CSMD3: variants seen among roughly 807,000 people sequenced by gnomAD.
CSMD3 encodes the protein CUB and Sushi multiple domains 3, also known as CUB and sushi domain-containing protein 3.
Under a neutral mutation model 435.2 loss-of-function variants are expected in CSMD3, and 177 were observed. The ratio of observed to expected loss-of-function variants is 0.41; its 90% CI spans 0.36 to 0.46. The LOEUF is 0.46. CSMD3 is among the 20% of genes least tolerant of loss of function. The pLI is 0.34. For synonymous variants in CSMD3, 1,656 were observed against 1,520.5 expected (o/e 1.09, Z -2.07); for missense variants, 4,265 against 4,504.6 (o/e 0.95, Z 1.52).
At chr8:112,272,933 G>A (rs987359408) in intron 59 of CSMD3, among the ~76,000 whole-genome samples, 2 of 152,032 alleles carry the variant, frequency 1.3e-5, no homozygotes, top group East Asian at 1.9e-4. Flanking sequence ...TGCCTATGAA[G>A]TACATAAACT....
At chr8:112,671,315 G>A (rs2075650836) in intron 16 of CSMD3, among the ~76,000 whole-genome samples, 1 of 151,762 alleles carries the variant, frequency 6.6e-6, no homozygotes, top group Non-Finnish European at 1.5e-5. Context: ...TATGACCCAG[G>A]AATGTCTTTT....
intron 22 of CSMD3, among the ~76,000 whole-genome samples, chr8:112,590,217 C>T (rs539186608): frequency 1.3e-5 from 2 of 152,110 alleles, no homozygotes; most frequent in South Asian, 4.2e-4. Context: ...ATGGGACCTA[C>T]TTTCCAGTGG....
chr8:112,698,983 T>A (rs1411004765), intron 13 of CSMD3, among the ~76,000 whole-genome samples: 2 of 152,018 alleles, frequency 1.3e-5, no homozygotes, highest in African/African-American at 2.4e-5. Context: ...CAATCAGCAC[T>A]CTGTAAAAAC....
At position 112,552,557 on chromosome 8, in the gene CSMD3, A is replaced by T. The variant is rs367849274; in HGVS notation, c.4361+37T>A. The stretch of plus-strand genomic sequence containing the variant: ...TATAGGGGTTGGTTAGGCACTTCAG[A>T]TTCCCTAGTAATGTTGAGAAAATGA... On this transcript the variant is annotated intron_variant, in intron 26 of 70. Coordinates refer to ENST00000297405, the MANE Select transcript of CSMD3 (RefSeq NM_198123.2). The T allele has an allele frequency of 6.2e-6, 10 of 1,600,896 alleles. No individual in the cohort carries two copies. In the African/African-American group the frequency reaches 1.2e-4, roughly 19 times the overall value.
chr8:112,841,510 G>C (rs2080177782), intron 11 of CSMD3, among the ~76,000 whole-genome samples: 1 of 151,720 alleles, frequency 6.6e-6, no homozygotes, highest in South Asian at 2.1e-4. Flanking sequence ...ATTTATTCCT[G>C]TGTTTATCCT....
In CSMD3 at chr8:112,406,589, G is replaced by C. The variant is rs553075730; in HGVS notation, c.5744C>G (p.Ala1915Gly). Residue 1915 changes from alanine to glycine, a missense_variant, in exon 35 of 71, where the codon GCA (alanine) becomes GGA (glycine). By Grantham distance (60) the Ala-to-Gly change is moderately conservative. Transcript: ENST00000297405. ...NPGYILHGSI[A>G]IRCETVPNSL... Reference sequence around the variant, plus strand: ...ATTGGGCACTGTTTCACACCTAATTGCTATGGATCCATGGAGAATATATCC... The same window carrying C: ...ATTGGGCACTGTTTCACACCTAATTCCTATGGATCCATGGAGAATATATCC... 2.0e-5 allele frequency: 33 copies of C among 1,612,762 alleles called. 1 individual carries two copies. In the African/African-American group the frequency reaches 2.8e-4, roughly 14 times the overall value.
intron 1 of CSMD3, among the ~76,000 whole-genome samples, chr8:113,355,725 T>A (rs2094219486): frequency 1.8e-5 from 1 of 56,452 alleles, no homozygotes; most frequent in Admixed American, 1.8e-4. Flanking sequence ...TTTATTTTTA[T>A]ATATATATAT....
At chr8:112,458,497 C>T (rs1304339645) in intron 32 of CSMD3, among the ~76,000 whole-genome samples, 1 of 152,046 alleles carries the variant, frequency 6.6e-6, no homozygotes, top group East Asian at 1.9e-4. Flanking sequence ...TTCATTAGTA[C>T]ATCACACTAC....
chr8:112,902,432 G>A (rs1222845056), intron 10 of CSMD3, among the ~76,000 whole-genome samples: 1 of 151,054 alleles, frequency 6.6e-6, no homozygotes, highest in Non-Finnish European at 1.5e-5. Flanking sequence ...TCAGCTTTAC[G>A]TTTTAAAAAA....
intron 13 of CSMD3, among the ~76,000 whole-genome samples, chr8:112,777,164 G>A (rs2132226438): frequency 6.6e-6 from 1 of 151,870 alleles, no homozygotes; most frequent in Admixed American, 6.6e-5. Flanking sequence ...ACAAATACGT[G>A]TTATTGATAA....
At chr8:113,332,378 T>C (rs762117314) in intron 1 of CSMD3, among the ~76,000 whole-genome samples, 1 of 147,870 alleles carries the variant, frequency 6.8e-6, no homozygotes, top group Non-Finnish European at 1.5e-5. Context: ...TCCCTGTATA[T>C]AGAAAACCCT....
intron 27 of CSMD3, among the ~76,000 whole-genome samples, chr8:112,547,361 C>T (rs1011658975): frequency 5.3e-5 from 8 of 151,548 alleles, no homozygotes; most frequent in South Asian, 4.2e-4. Context: ...CCAGCCTGGC[C>T]GACGTAATGA....
At chr8:112,545,470 G>A (rs1251388875) in intron 27 of CSMD3, among the ~76,000 whole-genome samples, 7 of 103,978 alleles carry the variant, frequency 6.7e-5, no homozygotes, top group South Asian at 3.2e-4. Context: ...GCGACAGAGC[G>A]AGACTCCATC....
At chr8:112,820,447 A>G (rs77470600) in intron 12 of CSMD3, among the ~76,000 whole-genome samples, 3,641 of 152,146 alleles carry the variant, frequency 0.024, 147 homozygotes, top group African/African-American at 0.083. Context: ...TTTCACAAAA[A>G]CATAATATAC....
At chr8:112,639,911 T>C (rs997097035) in intron 20 of CSMD3, among the ~76,000 whole-genome samples, 9 of 152,152 alleles carry the variant, frequency 5.9e-5, no homozygotes. Context: ...TTTGTGAACA[T>C]ATGTGCTTTT....
At chr8:112,977,569 C>T (rs1401883934) in intron 6 of CSMD3, among the ~76,000 whole-genome samples, 2 of 151,974 alleles carry the variant, frequency 1.3e-5, no homozygotes, top group African/African-American at 4.8e-5. Context: ...AAACCTGGAG[C>T]CCCTCACTCA....
chr8:112,655,482 A>T (rs2075234354), intron 18 of CSMD3, among the ~76,000 whole-genome samples: 1 of 151,270 alleles, frequency 6.6e-6, no homozygotes. Context: ...GATGTTTATA[A>T]ATGGAAAAAA....
intron 13 of CSMD3, among the ~76,000 whole-genome samples, chr8:112,772,476 C>T (rs192010071): frequency 6.6e-6 from 1 of 152,070 alleles, no homozygotes; most frequent in Non-Finnish European, 1.5e-5. Flanking sequence ...TGCGGAAGGC[C>T]GCAGGGACCT....
rs892432574 is a variant in CSMD3 at position 112,823,369 on chromosome 8, G to A, written c.1859+6317C>T. 4.0e-5 allele frequency among the ~76,000 whole-genome samples: 6 copies of A among 151,878 alleles called. 1 individual carries two copies. The highest frequency in any genetic ancestry group is 3.9e-4 in the Admixed American group (6 of 15,236). ...CTTACTGGTTTAGTCTTGGGAGGGT[G>A]TTATGTGTCCAGGAATTTTTCCATT... On this transcript the variant is annotated intron_variant, in intron 12 of 70. Coordinates refer to ENST00000297405, the MANE Select transcript of CSMD3 (RefSeq NM_198123.2).
Sources: gnomAD v4.1 joint callset for allele counts (sites outside exome capture counted in the v4.1 genomes callset) on GRCh38, gnomAD v4.1.1 for gene constraint, MANE v1.5 for transcripts, NCBI Gene and HGNC (gene_info 2026-07-23, HGNC 2026-07-21) for gene names.